The following PARN variants were observed in gnomAD, a reference collection of about 807,000 sequenced individuals.
PARN encodes poly(A)-specific ribonuclease.
PARN carries 71 observed loss-of-function variants against 102.8 expected under a neutral mutation model. The observed-to-expected ratio is 0.69, with a 90% CI of 0.57 to 0.84. The LOEUF (loss-of-function observed/expected upper bound fraction) is 0.84, where lower values mean the gene tolerates loss of function less well. Among genes scored for constraint, PARN ranks in the 40% least tolerant of loss-of-function variants. PARN has a pLI of 0.00. For missense variants in PARN, 782 were observed against 760.9 expected, an observed-to-expected ratio of 1.03 and a Z score of -0.33; for synonymous variants, 261 against 252.9, an observed-to-expected ratio of 1.03 and a Z score of -0.30.
At chr16:14,599,196 C>A (rs1011726855) in intron 12 of PARN, among the ~76,000 whole-genome samples, 1 of 152,104 alleles carries the variant, frequency 6.6e-6, no homozygotes, top group Non-Finnish European at 1.5e-5. Context: ...GCATATACCA[C>A]CACACCTGGC....
chr16:14,593,234 C>A, intron 13 of PARN, 67 bp downstream of exon 13: 6 of 865,038 alleles, frequency 6.9e-6, no homozygotes, highest in South Asian at 2.8e-5. Flanking sequence ...TTAAAAGCAT[C>A]ATAATAATAT....
At chr16:14,613,965 A>C (rs779417493) in intron 6 of PARN, among the ~76,000 whole-genome samples, 33 of 152,192 alleles carry the variant, frequency 2.2e-4, no homozygotes, top group Non-Finnish European at 3.8e-4. Flanking sequence ...AACATTAAAA[A>C]CACTAAAAAC....
At chr16:14,534,039 T>A (rs1193033524) in intron 21 of PARN, among the ~76,000 whole-genome samples, 1 of 152,084 alleles carries the variant, frequency 6.6e-6, no homozygotes, top group Non-Finnish European at 1.5e-5. Context: ...CTGGACAACA[T>A]GGTGAAACCC....
chr16:14,493,895 C>G (rs894332376), intron 21 of PARN, among the ~76,000 whole-genome samples: 1 of 152,122 alleles, frequency 6.6e-6, no homozygotes, highest in Non-Finnish European at 1.5e-5. Context: ...AAAAGTCAGT[C>G]AAAAATTATT....
intron 22 of PARN, among the ~76,000 whole-genome samples, chr16:14,455,440 C>T (rs1380450335): frequency 6.6e-6 from 1 of 152,188 alleles, no homozygotes; most frequent in Non-Finnish European, 1.5e-5. Flanking sequence ...TACATTTCTC[C>T]TGTAAAAGTA....
chr16:14,595,322 A>T (rs1370522333), intron 12 of PARN, among the ~76,000 whole-genome samples: 3 of 152,164 alleles, frequency 2.0e-5, no homozygotes, highest in Non-Finnish European at 1.5e-5. Flanking sequence ...AGGTATCAGT[A>T]TAAAGGCATG....
intron 5 of PARN, among the ~76,000 whole-genome samples, chr16:14,621,037 G>C (rs2151814179): frequency 6.6e-6 from 1 of 152,218 alleles, no homozygotes; most frequent in Non-Finnish European, 1.5e-5. Flanking sequence ...TCTGAACACA[G>C]AAAAACACAC....
At chr16:14,522,181 A>G (rs578041744) in intron 21 of PARN, among the ~76,000 whole-genome samples, 9 of 152,358 alleles carry the variant, frequency 5.9e-5, no homozygotes, top group Middle Eastern at 6.8e-3. Flanking sequence ...GGTAAAAACA[A>G]GAAAAGCTCA....
At chr16:14,502,411 AAACACACATGTACACACATGTGTG>A (rs1964671197) in intron 21 of PARN, among the ~76,000 whole-genome samples, 1 of 152,188 alleles carries the variant, frequency 6.6e-6, no homozygotes, top group African/African-American at 2.4e-5. Context: ...CCATGTTATT[AAACACACATGTACACACATGTGTG>A]AACACACATG....
chr16:14,573,472 C>T (rs1160656648), intron 18 of PARN, among the ~76,000 whole-genome samples: 1 of 152,160 alleles, frequency 6.6e-6, no homozygotes, highest in African/African-American at 2.4e-5. Flanking sequence ...CCTCCCCGCA[C>T]CCCTTATATT....
chr16:14,476,317 A>C (rs1963049466), intron 22 of PARN, among the ~76,000 whole-genome samples: 1 of 152,256 alleles, frequency 6.6e-6, no homozygotes, highest in Non-Finnish European at 1.5e-5. Flanking sequence ...GTGTGTAGTT[A>C]TATTCACAAC....
intron 16 of PARN, among the ~76,000 whole-genome samples, chr16:14,583,648 C>T (rs1354094042): frequency 6.6e-6 from 1 of 152,214 alleles, no homozygotes; most frequent in Non-Finnish European, 1.5e-5. Flanking sequence ...ATCTTGGCTG[C>T]TTTAATACTT....
intron 6 of PARN, among the ~76,000 whole-genome samples, chr16:14,614,972 G>T (rs1971799785): frequency 6.6e-6 from 1 of 151,090 alleles, no homozygotes; most frequent in African/African-American, 2.4e-5. Flanking sequence ...AGAGTGAGAG[G>T]GAAAACCACC....
intron 22 of PARN, among the ~76,000 whole-genome samples, chr16:14,475,640 C>T (rs770486953): frequency 2.6e-5 from 4 of 152,200 alleles, no homozygotes; most frequent in South Asian, 2.1e-4. Context: ...CTAATAGCCA[C>T]GTGTAGAAGC....
chr16:14,508,740 G>GAA (rs112398860), intron 21 of PARN, among the ~76,000 whole-genome samples: 38 of 143,576 alleles, frequency 2.6e-4, no homozygotes, highest in Non-Finnish European at 4.4e-4. Flanking sequence ...GTGGAAACTT[G>GAA]AAAAAAAAAA....
chr16:14,548,699 A>G (rs1306604486), intron 21 of PARN, among the ~76,000 whole-genome samples: 1 of 152,226 alleles, frequency 6.6e-6, no homozygotes, highest in Non-Finnish European at 1.5e-5. Flanking sequence ...TCATGCCTAT[A>G]ATCCCAGAAC....
At chr16:14,455,074 A>T (rs1490749013) in intron 22 of PARN, among the ~76,000 whole-genome samples, 26 of 152,248 alleles carry the variant, frequency 1.7e-4, no homozygotes, top group Admixed American at 1.7e-3. Context: ...AAAAATTGAA[A>T]GATGCCACAA....
intron 12 of PARN, among the ~76,000 whole-genome samples, chr16:14,598,711 T>C (rs1970681923): frequency 6.6e-6 from 1 of 152,192 alleles, no homozygotes; most frequent in Non-Finnish European, 1.5e-5. Flanking sequence ...GCCAACCCTC[T>C]TCTTTTACAA....
At chr16:14,573,685 T>C (rs1053282721) in intron 18 of PARN, among the ~76,000 whole-genome samples, 1 of 152,140 alleles carries the variant, frequency 6.6e-6, no homozygotes, top group South Asian at 2.1e-4. Context: ...GATTGAATTA[T>C]GGGGGCGGAT....
Sources: allele counts gnomAD v4.1 joint callset (sites outside exome capture counted in the v4.1 genomes callset), GRCh38; gene constraint gnomAD v4.1.1; transcripts MANE v1.5; gene names NCBI Gene and HGNC (gene_info 2026-07-23, HGNC 2026-07-21).